ZNF680: variants seen among roughly 807,000 people sequenced by gnomAD.
ZNF680 encodes the protein hypothetical protein FLJ90430.
In ZNF680, 6 loss-of-function variants were observed where a neutral mutation model predicts 12.1. That is an observed-to-expected ratio of 0.49 (90% CI 0.27 to 0.98). ZNF680 has a LOEUF of 0.98. Ranked by LOEUF, ZNF680 falls within the 50% of genes least tolerant of loss-of-function variation. The pLI is 0.12. For synonymous variants in ZNF680, 170 were observed against 199.3 expected, an observed-to-expected ratio of 0.85 and a Z score of 1.24; for missense variants, 561 against 616.3, an observed-to-expected ratio of 0.91 and a Z score of 0.95.
In ZNF680 at chr7:64,520,919, A is replaced by G. The variant is rs1791494035; in HGVS notation, c.*242T>C. 2 of 404,502 alleles carry G rather than the reference A, an allele frequency of 4.9e-6. No individual in the cohort carries two copies. The highest frequency in any genetic ancestry group is 8.3e-5 in the Admixed American group (2 of 23,978). The allele number at this position is 404,502 out of a possible 1,614,324, so 25.1% of individuals were successfully genotyped here. Reference sequence around the variant, plus strand: ...CTGGTGTTGAGTAAGATGTGAAAAGATATCAATGACTTTTTCACATTCTTT... The same window carrying G: ...CTGGTGTTGAGTAAGATGTGAAAAGGTATCAATGACTTTTTCACATTCTTT... On this transcript the variant is annotated 3_prime_UTR_variant, in exon 4 of 4. Transcript: ENST00000309683.
intron 3 of ZNF680, among the ~76,000 whole-genome samples, chr7:64,532,043 C>T (rs752911638): frequency 2.0e-5 from 3 of 152,148 alleles, no homozygotes; most frequent in Non-Finnish European, 4.4e-5. Flanking sequence ...CGGTGGCTCA[C>T]GCCTGTAATC....
chr7:64,554,534 G>T (rs1428438550), intron 1 of ZNF680, among the ~76,000 whole-genome samples: 1 of 152,246 alleles, frequency 6.6e-6, no homozygotes. Context: ...GACAATGGCG[G>T]TTTTTGTCGA....
intron 1 of ZNF680, among the ~76,000 whole-genome samples, chr7:64,555,436 GA>G (rs562223244): frequency 4.6e-5 from 7 of 150,596 alleles, no homozygotes; most frequent in Non-Finnish European, 8.9e-5. Flanking sequence ...AATTAAAGCA[GA>G]AATCAAGTTC....
At chr7:64,542,883 G>A (rs1035495707) in intron 3 of ZNF680, among the ~76,000 whole-genome samples, 20 of 152,198 alleles carry the variant, frequency 1.3e-4, no homozygotes, top group African/African-American at 3.6e-4. Context: ...ATTTTTAGTT[G>A]AGATGGGATT....
At chr7:64,522,971 G>T (rs1025511742) in intron 3 of ZNF680, among the ~76,000 whole-genome samples, 5 of 151,552 alleles carry the variant, frequency 3.3e-5, no homozygotes, top group African/African-American at 9.7e-5. Flanking sequence ...ACCAAATTCT[G>T]AAAAAGTATA....
the ZNF680 span, among the ~76,000 whole-genome samples, chr7:64,506,409 C>T: frequency 6.6e-6 from 1 of 151,970 alleles, no homozygotes; most frequent in Non-Finnish European, 1.5e-5. Context: ...AGGATGGTCT[C>T]GATCTCCTGA....
At chr7:64,542,337 CTTTAT>C (rs542929324) in intron 3 of ZNF680, among the ~76,000 whole-genome samples, 37 of 152,236 alleles carry the variant, frequency 2.4e-4, no homozygotes, top group African/African-American at 3.9e-4. Flanking sequence ...ACTGTAAATA[CTTTAT>C]TTTAACATAG....
At chr7:64,562,839 T>C (rs867490602) in intron 1 of ZNF680, 86 bp downstream of exon 1, 2 of 1,521,662 alleles carry the variant, frequency 1.3e-6, no homozygotes, top group Middle Eastern at 1.7e-4. Flanking sequence ...GCCCAGTGCT[T>C]GGAGCCTGGA....
At chr7:64,529,679 C>T (rs1468416939) in intron 3 of ZNF680, among the ~76,000 whole-genome samples, 1 of 151,992 alleles carries the variant, frequency 6.6e-6, no homozygotes, top group Non-Finnish European at 1.5e-5. Flanking sequence ...GAATAATTGG[C>T]ATTTGTGAGA....
At chr7:64,529,200 C>T (rs1169521237) in intron 3 of ZNF680, among the ~76,000 whole-genome samples, 2 of 152,182 alleles carry the variant, frequency 1.3e-5, no homozygotes, top group African/African-American at 4.8e-5. Context: ...ACAGAGCCTA[C>T]GCCACTGCAA....
the ZNF680 span, among the ~76,000 whole-genome samples, chr7:64,504,299 C>T: frequency 6.6e-6 from 1 of 152,224 alleles, no homozygotes; most frequent in African/African-American, 2.4e-5. Context: ...GCTGCTATCG[C>T]TGTTTAACGA....
intron 1 of ZNF680, among the ~76,000 whole-genome samples, chr7:64,550,851 C>A (rs572061099): frequency 1.3e-5 from 2 of 152,260 alleles, no homozygotes; most frequent in South Asian, 4.2e-4. Context: ...TAGAGTAAAG[C>A]TTGGTTGGCG....
intron 3 of ZNF680, among the ~76,000 whole-genome samples, chr7:64,538,250 A>G (rs1050738202): frequency 1.3e-5 from 2 of 150,846 alleles, no homozygotes; most frequent in African/African-American, 4.9e-5. Context: ...CATGAGCAAC[A>G]AAGAGAAGAA....
intron 1 of ZNF680, among the ~76,000 whole-genome samples, chr7:64,545,252 A>G (rs1445538656): frequency 7.9e-6 from 1 of 127,120 alleles, no homozygotes; most frequent in East Asian, 2.8e-4. Context: ...CAACAGAGTG[A>G]GACTCCATCT....
At chr7:64,541,698 A>G (rs1786510445) in intron 3 of ZNF680, among the ~76,000 whole-genome samples, 1 of 146,514 alleles carries the variant, frequency 6.8e-6, no homozygotes, top group Non-Finnish European at 1.5e-5. Flanking sequence ...ATGGCCCACC[A>G]AATTTGGTCC....
Position 64,521,229 on chromosome 7 carries a change from T to C in ZNF680, c.1525A>G (p.Lys509Glu), listed in dbSNP as rs1471323752. The change falls in exon 4 of 4, where the codon AAG (lysine) becomes GAG (glutamate). Residue 509 changes from lysine to glutamate, a missense_variant. Transcript: ENST00000309683. Reference protein sequence around the residue: ...FNRSSHLTRHKKIHTGEKLYK... With the variant: ...FNRSSHLTRHEKIHTGEKLYK... ...AGTTTCTCACCAGTATGAATTTTCT[T>C]ATGTCTAGTAAGGTGTGAGGACCGG... 3 of 1,613,414 alleles carry C rather than the reference T, an allele frequency of 1.9e-6. No individual in the cohort carries two copies. The East Asian group carries it at 6.7e-5, about 36-fold the overall frequency.
chr7:64,553,760 A>AT (rs1787216717), intron 1 of ZNF680, among the ~76,000 whole-genome samples: 1 of 152,018 alleles, frequency 6.6e-6, no homozygotes, highest in South Asian at 2.1e-4. Context: ...TGGTTTTCGC[A>AT]TTTTTTGGTG....
At chr7:64,524,067 A>T (rs907482736) in intron 3 of ZNF680, among the ~76,000 whole-genome samples, 1 of 152,162 alleles carries the variant, frequency 6.6e-6, no homozygotes, top group Non-Finnish European at 1.5e-5. Flanking sequence ...TCAAAATATT[A>T]CACAAAATAC....
chr7:64,499,125 T>A, the ZNF680 span, among the ~76,000 whole-genome samples: 1 of 152,322 alleles, frequency 6.6e-6, no homozygotes, highest in African/African-American at 2.4e-5. Flanking sequence ...AATAAATACA[T>A]TAAATATAAC....
Sources: allele counts gnomAD v4.1 joint callset (sites outside exome capture counted in the v4.1 genomes callset), GRCh38; gene constraint gnomAD v4.1.1; transcripts MANE v1.5; gene names NCBI Gene and HGNC (gene_info 2026-07-23, HGNC 2026-07-21).